SNAP29: variants seen among roughly 807,000 people sequenced by gnomAD.
SNAP29 encodes synaptosomal-associated protein 29.
In SNAP29, 13 loss-of-function variants were observed where a neutral mutation model predicts 27.9. That is an observed-to-expected ratio of 0.47 (90% CI 0.30 to 0.74). The LOEUF is 0.74. Among genes scored for constraint, SNAP29 ranks in the 30% least tolerant of loss-of-function variants. The probability of loss-of-function intolerance (pLI) is 0.06; values close to 1 mark genes in which losing one functional copy is unlikely to be tolerated. For synonymous variants in SNAP29, 119 were observed against 127.1 expected (o/e 0.94, Z 0.43); for missense variants, 368 against 336.5 (o/e 1.09, Z -0.73).
chr22:20,870,997 T>C (rs1928577344), intron 2 of SNAP29: 1 of 283,780 alleles, frequency 3.5e-6, no homozygotes. Context: ...GGCATTGTGG[T>C]GCACACCTGT....
At chr22:20,875,818 C>G (rs914886432) in intron 2 of SNAP29, among the ~76,000 whole-genome samples, 5 of 151,400 alleles carry the variant, frequency 3.3e-5, no homozygotes, top group African/African-American at 1.2e-4. Context: ...TAAAGCTGGG[C>G]ATGGTGATAC....
chr22:20,887,908 C>A lies in SNAP29; in HGVS notation c.*72C>A. 3 of 1,408,412 alleles carry A rather than the reference C, an allele frequency of 2.1e-6. No individual in the cohort carries two copies. Among genetic ancestry groups the A allele is most frequent in the Non-Finnish European group, 3.0e-6 (3 of 999,232 alleles). The allele number at this position is 1,408,412 out of a possible 1,614,324, so 87.2% of individuals were successfully genotyped here. On this transcript the variant is annotated 3_prime_UTR_variant, in exon 5 of 5. Transcript: ENST00000215730. Reference sequence around the variant, plus strand: ...CTTTTTTTGAACTTCCAAGAAATTTCATTTACTATTTTAGTATGTAAATTA... The same window carrying A: ...CTTTTTTTGAACTTCCAAGAAATTTAATTTACTATTTTAGTATGTAAATTA...
intron 2 of SNAP29, among the ~76,000 whole-genome samples, 194 bp from the exon 3 acceptor site, chr22:20,880,855 C>T (rs1928874470): frequency 6.6e-6 from 1 of 152,116 alleles, no homozygotes; most frequent in Admixed American, 6.6e-5. Flanking sequence ...AGGCAGGGGT[C>T]TTCATAAGCT....
intron 2 of SNAP29, among the ~76,000 whole-genome samples, chr22:20,874,819 G>A (rs531411241): frequency 6.6e-6 from 1 of 151,872 alleles, no homozygotes; most frequent in Non-Finnish European, 1.5e-5. Context: ...ATACATATCA[G>A]AAAGATGTTT....
chr22:20,884,070 C>T (rs553910622), intron 4 of SNAP29, among the ~76,000 whole-genome samples: 3 of 152,308 alleles, frequency 2.0e-5, no homozygotes, highest in Middle Eastern at 6.8e-3. Context: ...CAGTGGCTCA[C>T]GCCTGCAATC....
chr22:20,885,617 A>G (rs1235216362), intron 4 of SNAP29, among the ~76,000 whole-genome samples: 1 of 152,180 alleles, frequency 6.6e-6, no homozygotes, highest in African/African-American at 2.4e-5. Flanking sequence ...GACTTTGAGG[A>G]AGGATACTGC....
chr22:20,887,986 T>C lies in SNAP29; in HGVS notation c.*150T>C. 3.8e-6 allele frequency: 3 copies of C among 786,194 alleles called. No homozygotes were observed. In the East Asian group the frequency reaches 8.1e-5, roughly 21 times the overall value. 48.7% of individuals were successfully genotyped at this position (786,194 alleles called of 1,614,324 possible). A position where few individuals can be genotyped will look rare whatever the true frequency, so the allele number is the denominator to read the frequency against. ...GTAGGTCTTAAGACATTTTTGCTGTTATAAGGAAGTGTTTGTCCCACATTT... is the reference window on the plus strand; with the variant it reads ...GTAGGTCTTAAGACATTTTTGCTGTCATAAGGAAGTGTTTGTCCCACATTT... On this transcript the variant is annotated 3_prime_UTR_variant, in exon 5 of 5. Coordinates refer to ENST00000215730, the MANE Select transcript of SNAP29 (RefSeq NM_004782.4).
At chr22:20,885,446 C>T (rs952085288) in intron 4 of SNAP29, among the ~76,000 whole-genome samples, 8 of 152,130 alleles carry the variant, frequency 5.3e-5, no homozygotes, top group Admixed American at 5.2e-4. Context: ...CTCTGTCCTC[C>T]AGAGCCAAAG....
At chr22:20,869,005 G>A (rs28415717) in intron 1 of SNAP29, among the ~76,000 whole-genome samples, 4,385 of 152,254 alleles carry the variant, frequency 0.029, 203 homozygotes, top group African/African-American at 0.099. Context: ...TGCTGTGAGC[G>A]GTGGCTCATG....
At chr22:20,873,354 A>G (rs1453935752) in intron 2 of SNAP29, among the ~76,000 whole-genome samples, 1 of 152,052 alleles carries the variant, frequency 6.6e-6, no homozygotes, top group Non-Finnish European at 1.5e-5. Context: ...ACAGTAAAAT[A>G]TGTGCATCTT....
chr22:20,883,523 G>A lies in SNAP29; in HGVS notation c.573G>A (p.Lys191=), dbSNP rs774349258. The A allele has an allele frequency of 5.0e-6, 8 of 1,613,732 alleles. No individual in the cohort carries two copies. Among genetic ancestry groups the A allele is most frequent in the Non-Finnish European group, 8.5e-7 (1 of 1,179,768 alleles). The change falls in exon 4 of 5, where the codon AAG becomes AAA. Residue 191 remains lysine, a synonymous_variant. Transcript: ENST00000215730. ...CCATGAGTACTGATGCTTACCCAAA[G>A]AACCCACACCTTCGAGCCTATCACC... ...GSAMSTDAYP[K]NPHLRAYHQK...
At chr22:20,877,410 G>A (rs1475788294) in intron 2 of SNAP29, among the ~76,000 whole-genome samples, 1 of 152,176 alleles carries the variant, frequency 6.6e-6, no homozygotes, top group African/African-American at 2.4e-5. Context: ...TACAAAATGA[G>A]CCAAGCAAGG....
chr22:20,888,050 T>C lies in SNAP29; in HGVS notation c.*214T>C. 2 of 565,040 alleles carry C rather than the reference T, an allele frequency of 3.5e-6. No homozygotes were observed. Among genetic ancestry groups the C allele is most frequent in the Non-Finnish European group, 6.3e-6 (2 of 317,392 alleles). The allele number at this position is 565,040 out of a possible 1,614,324, so 35.0% of individuals were successfully genotyped here. ...ACCTCACCAAGTTCTTCCAGCAAAA[T>C]GCTTATTAGAGTTTTTGTCTGAGCA... On this transcript the variant is annotated 3_prime_UTR_variant, in exon 5 of 5. Coordinates refer to ENST00000215730, the MANE Select transcript of SNAP29 (RefSeq NM_004782.4).
intron 2 of SNAP29, among the ~76,000 whole-genome samples, chr22:20,879,033 T>C (rs371853207): frequency 3.0e-4 from 45 of 152,220 alleles, no homozygotes; most frequent in Admixed American, 1.4e-3. Context: ...AGTGGCCGGG[T>C]GCAGTGGCTC....
chr22:20,859,235 A>G lies in SNAP29; in HGVS notation c.125A>G (p.Gln42Arg), dbSNP rs1928136846. The G allele has an allele frequency of 6.2e-7, 1 of 1,607,206 alleles. No individual in the cohort carries two copies. Among genetic ancestry groups the G allele is most frequent in the Non-Finnish European group, 8.5e-7 (1 of 1,177,742 alleles). Reference protein sequence around the residue: ...PDGPDAPADRQQYLRQEVLRR... With the variant: ...PDGPDAPADRRQYLRQEVLRR... ...GGGCCCGACGCGCCCGCGGACAGGC[A>G]GCAGTACTTGCGGCAGGAGGTCCTC... is the stretch of plus-strand genomic sequence containing the variant. Residue 42 changes from glutamine to arginine, a missense_variant, in exon 1 of 5, where the codon CAG becomes CGG. By Grantham distance (43) the Gln-to-Arg change is conservative. Transcript: ENST00000215730.
chr22:20,859,492 A>G (rs1466314939), intron 1 of SNAP29, 145 bp downstream of exon 1: 5 of 699,090 alleles, frequency 7.2e-6, no homozygotes, highest in East Asian at 2.6e-5. Flanking sequence ...GGTGGTAACA[A>G]TCTGTTAACT....
chr22:20,870,352 C>G lies in SNAP29; in HGVS notation c.253C>G (p.Arg85Gly). ...GTTTCCCCAGGAGCTCGCCCGTCAG[C>G]GAGGAGTCCTGGAGCGCACAGAGAA... ...VASSEELARQ[R>G]GVLERTEKMV... The change falls in exon 2 of 5, where the codon CGA becomes GGA. Residue 85 changes from arginine (R) to glycine (G), a missense_variant. Physicochemically the swap from Arg to Gly is moderately radical, Grantham distance 125 (BLOSUM62 -2). Coordinates refer to ENST00000215730, the MANE Select transcript of SNAP29 (RefSeq NM_004782.4). 1 of 1,614,064 alleles carries G rather than the reference C, an allele frequency of 6.2e-7. No individual in the cohort carries two copies. Among genetic ancestry groups the G allele is most frequent in the Non-Finnish European group, 8.5e-7 (1 of 1,179,994 alleles).
At position 20,883,504 on chromosome 22, in the gene SNAP29, G is replaced by A. The variant is rs775793025; in HGVS notation, c.554G>A (p.Ser185Asn). The A allele has an allele frequency of 1.9e-6, 3 of 1,613,536 alleles. No individual in the cohort carries two copies. The highest frequency in any genetic ancestry group is 1.7e-5 in the Admixed American group (1 of 59,990). ...CCCAGAGGGGCTGGTTCTGCCATGA[G>A]TACTGATGCTTACCCAAAGAACCCA... ...PVPRGAGSAM[S>N]TDAYPKNPHL... is the part of the protein sequence containing the mutation. Residue 185 changes from serine (S) to asparagine (N), a missense_variant, in exon 4 of 5, where the codon AGT becomes AAT. Ser to Asn is a conservative substitution (Grantham distance 46). Coordinates refer to ENST00000215730, the MANE Select transcript of SNAP29 (RefSeq NM_004782.4).
intron 2 of SNAP29, chr22:20,870,799 G>A (rs1278104465): frequency 1.1e-5 from 6 of 536,370 alleles, no homozygotes; most frequent in South Asian, 4.0e-5. Flanking sequence ...TCACCTCAGC[G>A]TAATCTGTAC....
Sources: allele counts gnomAD v4.1 joint callset (sites outside exome capture counted in the v4.1 genomes callset), GRCh38; gene constraint gnomAD v4.1.1; transcripts MANE v1.5; gene names NCBI Gene and HGNC (gene_info 2026-07-23, HGNC 2026-07-21).